DYM: variants seen among roughly 807,000 people sequenced by gnomAD.
DYM encodes dyggve-Melchior-Clausen syndrome protein.
In DYM, 78 loss-of-function variants were observed where a neutral mutation model predicts 93.1. That is an observed-to-expected ratio of 0.84 (90% CI 0.70 to 1.01). DYM has a LOEUF of 1.01. Ranked by LOEUF, DYM falls within the 50% of genes least tolerant of loss-of-function variation. The pLI is 0.00. For missense variants in DYM, 789 were observed against 845.0 expected (o/e 0.93, Z 0.82); for synonymous variants, 321 against 319.7 (o/e 1.00, Z -0.04).
At chr18:49,342,485 C>T (rs1198790345) in intron 6 of DYM, among the ~76,000 whole-genome samples, 1 of 152,198 alleles carries the variant, frequency 6.6e-6, no homozygotes, top group Non-Finnish European at 1.5e-5. Context: ...TGGCATTAGT[C>T]TGCCTATCAC....
chr18:49,249,464 C>G (rs189283065), intron 13 of DYM, among the ~76,000 whole-genome samples: 31 of 152,174 alleles, frequency 2.0e-4, no homozygotes, highest in Non-Finnish European at 3.8e-4. Flanking sequence ...GAGAAAAAAA[C>G]CCATGAAAAC....
At chr18:49,151,557 G>A (rs993472592) in intron 15 of DYM, among the ~76,000 whole-genome samples, 1 of 152,098 alleles carries the variant, frequency 6.6e-6, no homozygotes, top group African/African-American at 2.4e-5. Flanking sequence ...TTGTAATACT[G>A]CTTTTTAATA....
intron 13 of DYM, among the ~76,000 whole-genome samples, chr18:49,244,943 C>A (rs1007833781): frequency 6.6e-6 from 1 of 152,108 alleles, no homozygotes; most frequent in South Asian, 2.1e-4. Flanking sequence ...ATCAGGGACC[C>A]GGAACAGAGG....
intron 2 of DYM, among the ~76,000 whole-genome samples, chr18:49,421,892 A>C (rs2073756094): frequency 6.6e-6 from 1 of 152,258 alleles, no homozygotes; most frequent in African/African-American, 2.4e-5. Flanking sequence ...ATCAACTGAA[A>C]GAAAGGGTAT....
chr18:49,318,463 A>T (rs948795408), intron 8 of DYM, among the ~76,000 whole-genome samples: 1 of 152,110 alleles, frequency 6.6e-6, no homozygotes, highest in Admixed American at 6.5e-5. Flanking sequence ...ACTAAAAAAA[A>T]TTACAAAAAT....
At position 49,282,112 on chromosome 18, in the gene DYM, G is replaced by C. The variant is rs1175648522; in HGVS notation, c.1010C>G (p.Thr337Arg). The change falls in exon 10 of 18, where the codon ACA becomes AGA. Residue 337 changes from threonine to arginine, a missense_variant. Physicochemically the swap from Thr to Arg is moderately conservative, Grantham distance 71. Coordinates refer to ENST00000675505, the MANE Select transcript of DYM (RefSeq NM_001353214.3). ...AFQINFNSLY[T>R]ALCEQQTSDQ... The stretch of plus-strand genomic sequence containing the variant: ...AGATGTCTGCTGTTCACAAAGAGCT[G>C]TGTACAAACTATTAAAGTTGATCTG... The C allele has an allele frequency of 3.7e-6, 6 of 1,613,930 alleles. No homozygotes were observed. In the South Asian group the frequency reaches 6.6e-5, roughly 18 times the overall value.
At chr18:49,316,996 A>G (rs947067796) in intron 8 of DYM, among the ~76,000 whole-genome samples, 3 of 152,238 alleles carry the variant, frequency 2.0e-5, no homozygotes, top group African/African-American at 7.2e-5. Flanking sequence ...TGGGGAAATT[A>G]TGCATTTGTC....
chr18:49,430,267 G>A lies in DYM; in HGVS notation c.128C>T (p.Ala43Val). ...WNQLLSFSFP[A>V]PTSSSELKLL... Reference sequence around the variant, plus strand: ...GGCAATCTCTTACCTGCTAGTTGGTGCAGGGAAAGAAAATGAGAGAAGCTG... The same window carrying A: ...GGCAATCTCTTACCTGCTAGTTGGTACAGGGAAAGAAAATGAGAGAAGCTG... The change falls in exon 2 of 18, where the codon GCA (alanine) becomes GTA (valine). Residue 43 changes from alanine to valine, a missense_variant. Ala to Val is a moderately conservative substitution (Grantham distance 64). Around this residue, in one of 3 missense-constraint regions of DYM, gnomAD observed 450 missense variants for 436.2 expected, o/e 1.03. Transcript: ENST00000675505. 6.2e-7 allele frequency: 1 copy of A among 1,613,898 alleles called. No homozygotes were observed. Among genetic ancestry groups the A allele is most frequent in the Non-Finnish European group, 8.5e-7 (1 of 1,179,962 alleles).
intron 8 of DYM, among the ~76,000 whole-genome samples, chr18:49,291,108 C>A (rs1336356692): frequency 1.3e-5 from 2 of 152,160 alleles, no homozygotes; most frequent in East Asian, 1.9e-4. Context: ...TAACTTTAAT[C>A]TTTGCATATA....
chr18:49,447,799 T>C (rs1472041032), intron 1 of DYM, among the ~76,000 whole-genome samples: 1 of 152,190 alleles, frequency 6.6e-6, no homozygotes, highest in African/African-American at 2.4e-5. Flanking sequence ...TTCAGGGAAG[T>C]AGTCTTGTTT....
chr18:49,173,902 T>G (rs1424205938), intron 14 of DYM, among the ~76,000 whole-genome samples: 1 of 152,122 alleles, frequency 6.6e-6, no homozygotes, highest in Non-Finnish European at 1.5e-5. Flanking sequence ...TGAATAAAGG[T>G]CAGAGTACAT....
chr18:49,277,090 C>T (rs914240587), intron 10 of DYM, among the ~76,000 whole-genome samples: 1 of 152,042 alleles, frequency 6.6e-6, no homozygotes, highest in African/African-American at 2.4e-5. Context: ...GAAGGAAGAG[C>T]AGGGAAAATA....
At chr18:49,419,504 T>C (rs2073390910) in intron 2 of DYM, among the ~76,000 whole-genome samples, 1 of 152,206 alleles carries the variant, frequency 6.6e-6, no homozygotes, top group South Asian at 2.1e-4. Flanking sequence ...CCGTCACTAT[T>C]TTTTAAGAAG....
At chr18:49,369,514 C>G (rs989417203) in intron 5 of DYM, among the ~76,000 whole-genome samples, 3 of 152,198 alleles carry the variant, frequency 2.0e-5, no homozygotes, top group African/African-American at 7.2e-5. Flanking sequence ...AGTTCTCCAA[C>G]CTTGAAGCCA....
intron 13 of DYM, among the ~76,000 whole-genome samples, chr18:49,255,656 G>A (rs1382699225): frequency 1.4e-5 from 2 of 147,454 alleles, no homozygotes; most frequent in Non-Finnish European, 3.0e-5. Context: ...CTGGGTGACA[G>A]AGTGAGACTC....
At chr18:49,062,106 C>T (rs11659241) in intron 17 of DYM, among the ~76,000 whole-genome samples, 51,088 of 152,046 alleles carry the variant, frequency 0.34, 10,153 homozygotes, top group Middle Eastern at 0.51. Flanking sequence ...CCAGATTAAG[C>T]AAGCTGTCTG....
In DYM at chr18:49,046,084, G is replaced by GCACA. The variant is rs76239241; in HGVS notation, c.2026-1884_2026-1881dup. ...GAGCAGGTAGAGGAGCTGCATGCGCGCACACACACACACACACCCACACCC... is the reference window on the plus strand; with the variant it reads ...GAGCAGGTAGAGGAGCTGCATGCGCGCACACACACACACACACACACCCACACCC... On this transcript the variant is annotated intron_variant, in intron 17 of 17. Transcript: ENST00000675505. 5.1e-4 allele frequency among the ~76,000 whole-genome samples: 76 copies of GCACA among 149,884 alleles called. 1 individual carries two copies. In the East Asian group the frequency reaches 0.011, roughly 21 times the overall value.
intron 17 of DYM, among the ~76,000 whole-genome samples, chr18:49,045,854 C>T (rs965277184): frequency 1.3e-5 from 2 of 152,042 alleles, no homozygotes; most frequent in African/African-American, 4.8e-5. Context: ...GGGAGCTGCA[C>T]ATAAGGTCCC....
intron 1 of DYM, among the ~76,000 whole-genome samples, chr18:49,432,329 C>CAAAAAAAAAAAAAAAAAAAAAAA (rs11429840): frequency 1.3e-5 from 1 of 75,830 alleles, no homozygotes; most frequent in Non-Finnish European, 2.8e-5. Flanking sequence ...AAGACTGTCT[C>CAAAAAAAAAAAAAAAAAAAAAAA]AAAAAAAAAA....
Sources: gnomAD v4.1 joint callset for allele counts (sites outside exome capture counted in the v4.1 genomes callset) on GRCh38, gnomAD v4.1.1 for gene constraint, gnomAD v4.1.1 regional missense constraint, MANE v1.5 for transcripts, NCBI Gene and HGNC (gene_info 2026-07-23, HGNC 2026-07-21) for gene names.